DNAAF1: variants seen among roughly 807,000 people sequenced by gnomAD.
DNAAF1 encodes dynein axonemal assembly factor 1, also known as dynein assembly factor 1, axonemal.
Under a neutral mutation model 71.1 loss-of-function variants are expected in DNAAF1, and 65 were observed. That is an observed-to-expected ratio of 0.91 (90% CI 0.75 to 1.12). The LOEUF (loss-of-function observed/expected upper bound fraction) is 1.12. Ranked by LOEUF, DNAAF1 falls within the 50% of genes most tolerant of loss-of-function variation. The pLI is 0.00. For missense variants in DNAAF1, 1,178 were observed against 899.8 expected, an observed-to-expected ratio of 1.31 and a Z score of -3.96; for synonymous variants, 414 against 354.6, an observed-to-expected ratio of 1.17 and a Z score of -1.88.
At chr16:84,151,338 C>T (rs559310814) in intron 3 of DNAAF1, among the ~76,000 whole-genome samples, 19 of 152,134 alleles carry the variant, frequency 1.2e-4, no homozygotes, top group South Asian at 4.2e-4. Context: ...GCCAGGGAGA[C>T]GCCCAAAGGG....
chr16:84,175,657 C>T lies in DNAAF1; in HGVS notation c.1699-276C>T, dbSNP rs1462235798. ...GGGGCATGCCAAGCAGAGCCCAGGGCTCAGGGGTGCGCCCTCTCAGGTACC... is the reference window on the plus strand; with the variant it reads ...GGGGCATGCCAAGCAGAGCCCAGGGTTCAGGGGTGCGCCCTCTCAGGTACC... On this transcript the variant is annotated intron_variant, in intron 10 of 11. Transcript: ENST00000378553. 3 of 481,892 alleles carry T rather than the reference C, an allele frequency of 6.2e-6. No individual in the cohort carries two copies. The South Asian group carries it at 6.2e-5, about 10-fold the overall frequency. 29.9% of individuals were successfully genotyped at this position (481,892 alleles called of 1,614,324 possible).
intron 7 of DNAAF1, among the ~76,000 whole-genome samples, chr16:84,169,483 G>T (rs574074289): frequency 6.6e-6 from 1 of 150,646 alleles, no homozygotes; most frequent in Non-Finnish European, 1.5e-5. Flanking sequence ...GCAGTGGCGC[G>T]ATCTTGGCTC....
intron 6 of DNAAF1, among the ~76,000 whole-genome samples, chr16:84,163,630 C>T (rs62048444): frequency 0.1 from 15,933 of 152,018 alleles, 908 homozygotes; most frequent in South Asian, 0.28. Flanking sequence ...CCACCCACCT[C>T]GGCCTCCCAA....
In DNAAF1 at chr16:84,169,909, G is replaced by A; in HGVS notation, c.1081G>A (p.Gly361Ser). The A allele has an allele frequency of 6.2e-7, 1 of 1,614,162 alleles. No individual in the cohort carries two copies. Among genetic ancestry groups the A allele is most frequent in the Non-Finnish European group, 8.5e-7 (1 of 1,180,046 alleles). The change falls in exon 8 of 12, where the codon GGC becomes AGC. Residue 361 changes from glycine (G) to serine (S), a missense_variant. Physicochemically the swap from Gly to Ser is moderately conservative, Grantham distance 56 (BLOSUM62 0). Coordinates refer to ENST00000378553, the MANE Select transcript of DNAAF1 (RefSeq NM_178452.6). ...DGENVPASAE[G>S]KEEPPGDRET... ...TGAGAATGTGCCCGCCAGTGCGGAA[G>A]GCAAGGAGGAGCCTCCCGGGGACAG...
chr16:84,145,354 T>A lies in DNAAF1; in HGVS notation c.-87T>A. On this transcript the variant is annotated 5_prime_UTR_variant, in exon 1 of 12. Coordinates refer to ENST00000378553, the MANE Select transcript of DNAAF1 (RefSeq NM_178452.6). ...GCTGGCGAAGAAGGAAAGAGGGTAC[T>A]CTCTGGCTGGGCTGGGGCCGTAGCG... is the stretch of plus-strand genomic sequence containing the variant. 2 of 1,538,452 alleles carry A rather than the reference T, an allele frequency of 1.3e-6. No individual in the cohort carries two copies. Among genetic ancestry groups the A allele is most frequent in the Non-Finnish European group, 1.7e-6 (2 of 1,144,348 alleles).
At chr16:84,155,906 A>G (rs1018231621) in intron 5 of DNAAF1, among the ~76,000 whole-genome samples, 157 bp downstream of exon 5, 6 of 151,970 alleles carry the variant, frequency 3.9e-5, no homozygotes, top group African/African-American at 1.5e-4. Context: ...GAGTATCTGA[A>G]ATGCCAGTTA....
At chr16:84,167,950 G>A (rs911133939) in intron 7 of DNAAF1, among the ~76,000 whole-genome samples, 2 of 152,022 alleles carry the variant, frequency 1.3e-5, no homozygotes, top group African/African-American at 4.8e-5. Context: ...CTGGGAGGCA[G>A]AGGTTGCAGC....
At chr16:84,172,916 T>G in intron 9 of DNAAF1, 2 of 1,006,726 alleles carry the variant, frequency 2.0e-6, no homozygotes, top group Non-Finnish European at 2.4e-6. Context: ...CTGTCACTCT[T>G]CCCTGAAGCT....
chr16:84,165,660 A>G (rs973826604), intron 6 of DNAAF1, 123 bp from the exon 7 acceptor site: 10 of 954,188 alleles, frequency 1.0e-5, no homozygotes, highest in Non-Finnish European at 1.5e-5. Context: ...TGGAACTTTT[A>G]TCCTTGCAGT....
At chr16:84,148,596 C>CTCTCTCTTT in intron 1 of DNAAF1, among the ~76,000 whole-genome samples, 1 of 43,572 alleles carries the variant, frequency 2.3e-5, no homozygotes, top group African/African-American at 9.2e-5. Flanking sequence ...CTCTCTCTCT[C>CTCTCTCTTT]TTTTTTTTTT....
intron 8 of DNAAF1, among the ~76,000 whole-genome samples, chr16:84,171,327 CACTTGTAGTCCCAGCT>C (rs2088331803): frequency 6.6e-6 from 1 of 151,992 alleles, no homozygotes; most frequent in Non-Finnish European, 1.5e-5. Context: ...TAGTGGTGAC[CACTTGTAGTCCCAGCT>C]ACTTGGGAGG....
rs182979172 is a variant in DNAAF1, at chr16:84,149,940, G to A, written c.261-311G>A. Among the ~76,000 whole-genome samples, 1,112 of 151,924 alleles carry A rather than the reference G, an allele frequency of 7.3e-3. 17 individuals are homozygous for A. The highest frequency in any genetic ancestry group is 0.025 in the African/African-American group (1,053 of 41,406). ...CTCGGGAGGCTGAGGCAGGAGAATC[G>A]CTTGAACCTGGGAGGCAGAGTTTGC... On this transcript the variant is annotated intron_variant, in intron 2 of 11. Transcript: ENST00000378553.
At chr16:84,155,505 C>T (rs1346578869) in intron 4 of DNAAF1, 78 bp from the exon 5 acceptor site, 2 of 1,499,592 alleles carry the variant, frequency 1.3e-6, no homozygotes, top group East Asian at 2.3e-5. Context: ...GCTGGGATTA[C>T]AGGTATGAAC....
At chr16:84,150,987 T>C (rs539144327) in intron 3 of DNAAF1, among the ~76,000 whole-genome samples, 1 of 152,252 alleles carries the variant, frequency 6.6e-6, no homozygotes, top group Admixed American at 6.5e-5. Flanking sequence ...TTGGGAAGGA[T>C]TGCAGCTTGA....
chr16:84,176,048 A>C lies in DNAAF1; in HGVS notation c.1814A>C (p.Asn605Thr). The part of the protein sequence containing the change: ...LENLPTDTLS[N>T]IFAVSKDTSK... Reference sequence around the variant, plus strand: ...AACCTCCCCACAGACACTCTGTCAAATATATTTGCAGTCTCTAAAGACACC... The same window carrying C: ...AACCTCCCCACAGACACTCTGTCAACTATATTTGCAGTCTCTAAAGACACC... The change falls in exon 11 of 12, where the codon AAT (asparagine) becomes ACT (threonine). Residue 605 changes from asparagine (N) to threonine (T), a missense_variant. Physicochemically the swap from Asn to Thr is moderately conservative, Grantham distance 65. Transcript: ENST00000378553. 1 of 1,614,174 alleles carries C rather than the reference A, an allele frequency of 6.2e-7. No individual in the cohort carries two copies. The highest frequency in any genetic ancestry group is 1.1e-5 in the South Asian group (1 of 91,086).
At chr16:84,170,509 G>C (rs1315984145) in intron 8 of DNAAF1, among the ~76,000 whole-genome samples, 153 bp downstream of exon 8, 1 of 152,174 alleles carries the variant, frequency 6.6e-6, no homozygotes, top group African/African-American at 2.4e-5. Flanking sequence ...TTGTTTTCTA[G>C]AACAGGGCTG....
rs943431603 is a variant in DNAAF1, at chr16:84,172,573, T to C, written c.1644+198T>C. ...CCCACTGATTAGAATCCAACTTTCA[T>C]GCACTGCCCTAGGTGATTCGTGCAC... On this transcript the variant is annotated intron_variant, in intron 9 of 11. Coordinates refer to ENST00000378553, the MANE Select transcript of DNAAF1 (RefSeq NM_178452.6). 3.5e-5 allele frequency: 50 copies of C among 1,416,208 alleles called. No homozygotes were observed. The African/African-American group carries it at 6.3e-4, about 18-fold the overall frequency. The allele number at this position is 1,416,208 out of a possible 1,614,324, so 87.7% of individuals were successfully genotyped here.
intron 6 of DNAAF1, chr16:84,162,263 A>G (rs2087748943): frequency 6.6e-6 from 1 of 152,090 alleles, no homozygotes; most frequent in South Asian, 2.1e-4. Context: ...TCAAATAACA[A>G]CTTTGTTGAG....
At chr16:84,148,729 G>C (rs527342635) in intron 1 of DNAAF1, among the ~76,000 whole-genome samples, 2 of 150,774 alleles carry the variant, frequency 1.3e-5, no homozygotes, top group East Asian at 3.9e-4. Flanking sequence ...CCCACAAGTA[G>C]CTGGGAATAC....
Sources: allele counts gnomAD v4.1 joint callset (sites outside exome capture counted in the v4.1 genomes callset), GRCh38; gene constraint gnomAD v4.1.1; transcripts MANE v1.5; gene names NCBI Gene and HGNC (gene_info 2026-07-23, HGNC 2026-07-21).